Variants in TAB2 observed in about 807,000 individuals in gnomAD.
TAB2 encodes the protein TGF-beta-activated kinase 1 and MAP3K7-binding protein 2.
In TAB2, 3 loss-of-function variants were observed where a neutral mutation model predicts 65.0. That is an observed-to-expected ratio of 0.05 (90% CI 0.02 to 0.12). TAB2 has a LOEUF of 0.12. TAB2 is among the 10% of genes least tolerant of loss of function. The pLI, the probability that TAB2 is intolerant of heterozygous loss-of-function variation, is 1.00. For synonymous variants in TAB2, 298 were observed against 285.1 expected (o/e 1.05, Z -0.46); for missense variants, 623 against 840.3 (o/e 0.74, Z 3.20).
intron 1 of TAB2, among the ~76,000 whole-genome samples, chr6:149,360,630 C>T (rs1780813888): frequency 6.6e-6 from 1 of 152,146 alleles, no homozygotes; most frequent in South Asian, 2.1e-4. Flanking sequence ...TATTCCGCCC[C>T]TGCCTCTCAA....
chr6:149,281,555 C>CAAAAAAAAAAAAAAAAAAAAAAA lies in TAB2; in HGVS notation c.-121+62783_-121+62805dup, dbSNP rs59196897. ...TGAACAACACAGCAAGATGCCATCT[C>CAAAAAAAAAAAAAAAAAAAAAAA]AAAAAAAAAAAAAAAAAAAAAAAAA... is the stretch of plus-strand genomic sequence containing the variant. On this transcript the variant is annotated intron_variant, in intron 1 of 1. Transcript: ENST00000606202. Among the ~76,000 whole-genome samples the CAAAAAAAAAAAAAAAAAAAAAAA allele has an allele frequency of 8.5e-5, 6 of 70,348 alleles. 2 individuals are homozygous for CAAAAAAAAAAAAAAAAAAAAAAA. The highest frequency in any genetic ancestry group is 3.1e-4 in the African/African-American group (6 of 19,634). The allele number at this position is 70,348 out of a possible 152,430, so 46.2% of individuals were successfully genotyped here. A position where few individuals can be genotyped will look rare whatever the true frequency, so the allele number is the denominator to read the frequency against.
intron 1 of TAB2, chr6:149,321,039 C>G (rs1322613157): frequency 6.6e-6 from 1 of 152,154 alleles, no homozygotes; most frequent in Non-Finnish European, 1.5e-5. Context: ...AAGATGCTAG[C>G]AGAGAATTAG....
At chr6:149,260,667 G>A (rs1198342782) in intron 1 of TAB2, among the ~76,000 whole-genome samples, 2 of 152,186 alleles carry the variant, frequency 1.3e-5, no homozygotes, top group Non-Finnish European at 2.9e-5. Flanking sequence ...TAGGCAAAAC[G>A]AAATCTATGG....
chr6:149,278,362 T>C (rs905540953), intron 1 of TAB2, among the ~76,000 whole-genome samples: 1 of 152,178 alleles, frequency 6.6e-6, no homozygotes, highest in Admixed American at 6.5e-5. Flanking sequence ...ATAAAACAAA[T>C]ATATACTGCC....
chr6:149,349,927 GCATTCATT>G (rs377536561), intron 1 of TAB2, among the ~76,000 whole-genome samples: 1 of 151,886 alleles, frequency 6.6e-6, no homozygotes, highest in Non-Finnish European at 1.5e-5. Flanking sequence ...ATACATGCAT[GCATTCATT>G]CATTCATTCA....
intron 1 of TAB2, among the ~76,000 whole-genome samples, chr6:149,254,037 GAGAA>G (rs1479488575): frequency 3.8e-4 from 50 of 130,016 alleles, no homozygotes; most frequent in Admixed American, 1.9e-3. Flanking sequence ...GAAAGAAAGA[GAGAA>G]AGAAAGAGGG....
At chr6:149,283,579 G>A (rs992381037) in intron 1 of TAB2, among the ~76,000 whole-genome samples, 2 of 151,998 alleles carry the variant, frequency 1.3e-5, no homozygotes, top group Non-Finnish European at 2.9e-5. Context: ...GCAAGGTGGT[G>A]CACGCCTGTA....
chr6:149,312,555 G>A (rs554144391), intron 1 of TAB2, among the ~76,000 whole-genome samples: 2 of 152,324 alleles, frequency 1.3e-5, no homozygotes, highest in African/African-American at 2.4e-5. Context: ...TAGAGATGGC[G>A]TTTCGCCATG....
intron 1 of TAB2, among the ~76,000 whole-genome samples, chr6:149,329,632 T>C (rs1275398147): frequency 7.0e-6 from 1 of 142,826 alleles, no homozygotes; most frequent in Non-Finnish European, 1.5e-5. Context: ...CCTTGCCATC[T>C]TCTAAGAGCA....
intron 3 of TAB2, among the ~76,000 whole-genome samples, chr6:149,392,126 A>AT (rs1243910052): frequency 5.1e-4 from 39 of 75,920 alleles, no homozygotes; most frequent in South Asian, 2.1e-3. Flanking sequence ...ATCAGATTTT[A>AT]TTTTTTTTTG....
At chr6:149,223,819 A>C (rs1380448042) in intron 1 of TAB2, among the ~76,000 whole-genome samples, 2 of 152,104 alleles carry the variant, frequency 1.3e-5, no homozygotes, top group Non-Finnish European at 2.9e-5. Context: ...TCAAAGCCAT[A>C]TTTTAAAAGC....
intron 1 of TAB2, among the ~76,000 whole-genome samples, chr6:149,285,323 A>G (rs1374219343): frequency 6.6e-6 from 1 of 152,202 alleles, no homozygotes. Context: ...GAAGGCACCA[A>G]AGACAACCCT....
At chr6:149,399,254 C>G (rs924805705) in intron 6 of TAB2, 70 bp downstream of exon 6, 7 of 1,143,850 alleles carry the variant, frequency 6.1e-6, no homozygotes, top group Non-Finnish European at 7.9e-6. Flanking sequence ...TTTTCCTGTT[C>G]AGCAACCTTC....
intron 1 of TAB2, among the ~76,000 whole-genome samples, chr6:149,300,696 T>C (rs1398069473): frequency 6.6e-6 from 1 of 152,154 alleles, no homozygotes; most frequent in African/African-American, 2.4e-5. Flanking sequence ...CCTTCCACTG[T>C]GGTTAAAAGA....
chr6:149,299,304 G>A (rs1425701996), intron 1 of TAB2, among the ~76,000 whole-genome samples: 1 of 152,186 alleles, frequency 6.6e-6, no homozygotes, highest in Non-Finnish European at 1.5e-5. Flanking sequence ...GGGTGCAATG[G>A]CTCACGCCCG....
chr6:149,349,029 T>C (rs1395050465), intron 1 of TAB2, among the ~76,000 whole-genome samples: 1 of 151,996 alleles, frequency 6.6e-6, no homozygotes, highest in Non-Finnish European at 1.5e-5. Flanking sequence ...TTAAGAAATA[T>C]GTAAATACTA....
intron 6 of TAB2, chr6:149,400,771 A>G: frequency 7.4e-7 from 1 of 1,357,860 alleles, no homozygotes; most frequent in Non-Finnish European, 1.0e-6. Context: ...TGGTTCCACC[A>G]CATTCTGACT....
chr6:149,329,365 A>G (rs1442594510), intron 1 of TAB2, among the ~76,000 whole-genome samples: 1 of 152,144 alleles, frequency 6.6e-6, no homozygotes, highest in Non-Finnish European at 1.5e-5. Flanking sequence ...GACATAAAGC[A>G]GTGAAGATCA....
intron 1 of TAB2, among the ~76,000 whole-genome samples, chr6:149,352,701 A>C (rs1184407739): frequency 1.3e-5 from 2 of 152,172 alleles, no homozygotes; most frequent in Non-Finnish European, 2.9e-5. Flanking sequence ...ACTGGAGTAA[A>C]CTTTACTTGA....
Sources: gnomAD v4.1 joint callset for allele counts (sites outside exome capture counted in the v4.1 genomes callset) on GRCh38, gnomAD v4.1.1 for gene constraint, MANE v1.5 for transcripts, NCBI Gene and HGNC (gene_info 2026-07-23, HGNC 2026-07-21) for gene names.